Variants in TNIK observed in about 807,000 individuals in gnomAD.
The protein encoded by TNIK is TRAF2 and NCK-interacting protein kinase.
Under a neutral mutation model 191.3 loss-of-function variants are expected in TNIK, and 49 were observed. That is an observed-to-expected ratio of 0.26 (90% CI 0.20 to 0.32). The LOEUF (loss-of-function observed/expected upper bound fraction) is 0.32, where lower values mean the gene tolerates loss of function less well. Ranked by LOEUF, TNIK falls within the 10% of genes least tolerant of loss-of-function variation. The pLI is 1.00. For synonymous variants in TNIK, 594 were observed against 600.9 expected (o/e 0.99, Z 0.17); for missense variants, 1,155 against 1,702.3 (o/e 0.68, Z 5.66).
intron 12 of TNIK, among the ~76,000 whole-genome samples, chr3:171,150,443 G>C (rs1732286461): frequency 6.6e-6 from 1 of 152,176 alleles, no homozygotes; most frequent in South Asian, 2.1e-4. Flanking sequence ...TCACTCGGAA[G>C]GTACTATTTC....
chr3:171,287,521 G>A (rs568250577), intron 2 of TNIK, among the ~76,000 whole-genome samples: 1 of 152,296 alleles, frequency 6.6e-6, no homozygotes, highest in Non-Finnish European at 1.5e-5. Flanking sequence ...TAATGGCATG[G>A]AAGTCTCCTA....
chr3:171,089,405 T>G (rs974354080), intron 23 of TNIK, among the ~76,000 whole-genome samples: 1 of 152,216 alleles, frequency 6.6e-6, no homozygotes, highest in African/African-American at 2.4e-5. Context: ...GAAAAGCTTT[T>G]AAACATTTTC....
chr3:171,339,381 C>T (rs1757292224), intron 2 of TNIK, among the ~76,000 whole-genome samples: 1 of 152,252 alleles, frequency 6.6e-6, no homozygotes, highest in Non-Finnish European at 1.5e-5. Context: ...TGATCACTGG[C>T]CTCTGCCTTG....
intron 2 of TNIK, among the ~76,000 whole-genome samples, chr3:171,241,650 G>A (rs561895913): frequency 1.1e-4 from 16 of 152,150 alleles, no homozygotes; most frequent in Non-Finnish European, 2.9e-5. Flanking sequence ...TATAGAAGCA[G>A]AGGTAACTGC....
At chr3:171,313,513 G>T (rs1391090992) in intron 2 of TNIK, among the ~76,000 whole-genome samples, 1 of 152,072 alleles carries the variant, frequency 6.6e-6, no homozygotes, top group Non-Finnish European at 1.5e-5. Context: ...TTTGTCATTA[G>T]ACAGTTGTTA....
chr3:171,373,018 T>C (rs1716730885), intron 1 of TNIK, among the ~76,000 whole-genome samples: 1 of 152,174 alleles, frequency 6.6e-6, no homozygotes, highest in Admixed American at 6.6e-5. Context: ...CTCTTCTCTC[T>C]TTCCCCCAAT....
At chr3:171,424,698 C>G (rs916113770) in intron 1 of TNIK, among the ~76,000 whole-genome samples, 5 of 151,832 alleles carry the variant, frequency 3.3e-5, no homozygotes, top group African/African-American at 1.2e-4. Flanking sequence ...ATGGATGAAG[C>G]TGGAAACCAT....
chr3:171,404,419 T>G (rs1291588620), intron 1 of TNIK, among the ~76,000 whole-genome samples: 2 of 152,190 alleles, frequency 1.3e-5, no homozygotes, highest in Non-Finnish European at 2.9e-5. Flanking sequence ...CTAATTTTTA[T>G]CAGTTCATTA....
chr3:171,327,563 G>A (rs1423439650), intron 2 of TNIK, among the ~76,000 whole-genome samples: 5 of 152,118 alleles, frequency 3.3e-5, no homozygotes, highest in Admixed American at 2.6e-4. Flanking sequence ...GGGACACAGT[G>A]TGACTGGACA....
At chr3:171,431,353 T>C (rs1577913987) in intron 1 of TNIK, among the ~76,000 whole-genome samples, 1 of 152,110 alleles carries the variant, frequency 6.6e-6, no homozygotes, top group South Asian at 2.1e-4. Context: ...TAGAGTTTTA[T>C]TGCCAAAATG....
chr3:171,440,491 C>T (rs1726653970), intron 1 of TNIK, among the ~76,000 whole-genome samples: 1 of 152,022 alleles, frequency 6.6e-6, no homozygotes, highest in Non-Finnish European at 1.5e-5. Context: ...GAGCTGAGCT[C>T]TAGGGGTAAC....
At chr3:171,149,530 C>T (rs1477643891) in intron 12 of TNIK, among the ~76,000 whole-genome samples, 2 of 152,118 alleles carry the variant, frequency 1.3e-5, no homozygotes, top group African/African-American at 2.4e-5. Flanking sequence ...GGTGACAAAG[C>T]GGACAAAGTC....
intron 12 of TNIK, among the ~76,000 whole-genome samples, chr3:171,155,319 A>G (rs1294588534): frequency 1.3e-5 from 2 of 152,196 alleles, no homozygotes; most frequent in Non-Finnish European, 2.9e-5. Context: ...AGAGAATGTC[A>G]TGACTAAGGG....
rs553730415 is a variant in TNIK at position 171,179,553 on chromosome 3, G to A, written c.640-2173C>T. 1.7e-3 allele frequency among the ~76,000 whole-genome samples: 260 copies of A among 152,162 alleles called. 1 individual carries two copies. Among genetic ancestry groups the A allele is most frequent in the African/African-American group, 5.9e-3 (247 of 41,514 alleles). ...TGCAAGCTCCGCCTCCTGGGTTCAC[G>A]CCATTCTCCTGCCTCAGCCTCCCGA... On this transcript the variant is annotated intron_variant, in intron 7 of 32. Coordinates refer to ENST00000436636, the MANE Select transcript of TNIK (RefSeq NM_015028.4).
Position 171,110,872 on chromosome 3 carries a change from G to T in TNIK, c.2126C>A (p.Pro709His). 6.2e-7 allele frequency: 1 copy of T among 1,600,584 alleles called. No individual in the cohort carries two copies. The highest frequency in any genetic ancestry group is 2.2e-5 in the East Asian group (1 of 44,490). Residue 709 changes from proline (P) to histidine (H), a missense_variant, in exon 19 of 33, where the codon CCT (proline) becomes CAT (histidine). Coordinates refer to ENST00000436636, the MANE Select transcript of TNIK (RefSeq NM_015028.4). Reference protein sequence around the residue: ...LGSQPIRASNPDLRRTEPILE... With the variant: ...LGSQPIRASNHDLRRTEPILE... The stretch of plus-strand genomic sequence containing the variant: ...GATGGGCTCAGTTCTCCGGAGATCA[G>T]GGTTGCTGTGTGAGTGACAGAGCAC...
At chr3:171,230,935 C>A (rs1367638356) in intron 2 of TNIK, among the ~76,000 whole-genome samples, 1 of 152,160 alleles carries the variant, frequency 6.6e-6, no homozygotes, top group Non-Finnish European at 1.5e-5. Flanking sequence ...GACTTGACTG[C>A]CCAACTCTAG....
At chr3:171,274,131 G>A (rs920522752) in intron 2 of TNIK, among the ~76,000 whole-genome samples, 1 of 152,148 alleles carries the variant, frequency 6.6e-6, no homozygotes, top group Non-Finnish European at 1.5e-5. Context: ...CTATCCCAGA[G>A]GAAGACCAAC....
At chr3:171,254,541 A>G (rs551698261) in intron 2 of TNIK, among the ~76,000 whole-genome samples, 2 of 152,362 alleles carry the variant, frequency 1.3e-5, no homozygotes, top group African/African-American at 4.8e-5. Context: ...GTTAGATACA[A>G]GCATCACCCA....
intron 2 of TNIK, among the ~76,000 whole-genome samples, chr3:171,272,842 T>C (rs1749282338): frequency 6.6e-6 from 1 of 152,244 alleles, no homozygotes; most frequent in Non-Finnish European, 1.5e-5. Flanking sequence ...TCCATTTTCT[T>C]AGTGTCAGTC....
Sources: allele counts gnomAD v4.1 joint callset (sites outside exome capture counted in the v4.1 genomes callset), GRCh38; gene constraint gnomAD v4.1.1; transcripts MANE v1.5; gene names NCBI Gene and HGNC (gene_info 2026-07-23, HGNC 2026-07-21).